CYP11A1: variants seen among roughly 807,000 people sequenced by gnomAD.
CYP11A1 encodes cholesterol side-chain cleavage enzyme, mitochondrial.
Under a neutral mutation model 51.9 loss-of-function variants are expected in CYP11A1, and 25 were observed. The observed-to-expected ratio is 0.48, with a 90% confidence interval of 0.35 to 0.67. CYP11A1 has a LOEUF of 0.67. Ranked by LOEUF, CYP11A1 falls within the 30% of genes least tolerant of loss-of-function variation. The pLI is 0.00. For missense variants in CYP11A1, 578 were observed against 680.9 expected (o/e 0.85, Z 1.68); for synonymous variants, 245 against 262.1 (o/e 0.93, Z 0.63).
intron 1 of CYP11A1, chr15:74,362,172 C>CT (rs1354732577): frequency 3.2e-6 from 2 of 618,786 alleles, no homozygotes; most frequent in Non-Finnish European, 5.7e-6. Flanking sequence ...CCTTCCATGC[C>CT]TAGCTGGACT....
intron 1 of CYP11A1, chr15:74,361,581 C>T (rs984384786): frequency 4.3e-5 from 40 of 937,722 alleles, no homozygotes; most frequent in East Asian, 2.1e-4. Context: ...TCTTTGACAT[C>T]GCAGTCACGG....
intron 1 of CYP11A1, among the ~76,000 whole-genome samples, chr15:74,351,985 T>C (rs1424415070): frequency 6.6e-6 from 1 of 152,234 alleles, no homozygotes; most frequent in Non-Finnish European, 1.5e-5. Flanking sequence ...TGGCTAAGGT[T>C]CCAAGCTATT....
chr15:74,367,440 T>A lies in CYP11A1; in HGVS notation c.146A>T (p.Asn49Ile), dbSNP rs550589207. The part of the protein sequence containing the change: ...GISTRSPRPF[N>I]EIPSPGDNGW... ...ATTGTCACCAGGAGAGGGGATCTCA[T>A]TGAAGGGGCGAGGACTGCGGGTGGA... The change falls in exon 1 of 9, where the codon AAT becomes ATT. Residue 49 changes from asparagine (N) to isoleucine (I), a missense_variant. Asn to Ile is a moderately radical substitution (Grantham distance 149). Coordinates refer to ENST00000268053, the MANE Select transcript of CYP11A1 (RefSeq NM_000781.3). 9.9e-6 allele frequency: 16 copies of A among 1,614,212 alleles called. No homozygotes were observed. The African/African-American group carries it at 2.1e-4, about 22-fold the overall frequency.
At position 74,339,321 on chromosome 15, in the gene CYP11A1, G is replaced by A; in HGVS notation, c.1158-6C>T. 6.2e-7 allele frequency: 1 copy of A among 1,613,832 alleles called. No homozygotes were observed. Among genetic ancestry groups the A allele is most frequent in the Non-Finnish European group, 8.5e-7 (1 of 1,179,670 alleles). On this transcript the variant is annotated splice_region_variant and splice_polypyrimidine_tract_variant and intron_variant, in intron 6 of 8. Coordinates refer to ENST00000268053, the MANE Select transcript of CYP11A1 (RefSeq NM_000781.3). ...TCACGGAGATGGGGTGAAGTCTGCG[G>A]GAGGAGGGCACTCAGAAGCTGATGG...
At chr15:74,341,739 A>G (rs1216095500) in intron 5 of CYP11A1, among the ~76,000 whole-genome samples, 1 of 152,160 alleles carries the variant, frequency 6.6e-6, no homozygotes, top group Non-Finnish European at 1.5e-5. Context: ...AAATGTGACT[A>G]TATTTGGAGA....
chr15:74,346,133 A>G (rs1186987049), intron 2 of CYP11A1, among the ~76,000 whole-genome samples: 4 of 152,128 alleles, frequency 2.6e-5, no homozygotes, highest in Non-Finnish European at 4.4e-5. Context: ...CAGGTGGATC[A>G]CCTGAGGTCA....
chr15:74,340,325 A>G (rs1280375804), intron 5 of CYP11A1, among the ~76,000 whole-genome samples: 2 of 152,144 alleles, frequency 1.3e-5, no homozygotes, highest in Non-Finnish European at 2.9e-5. Flanking sequence ...GCTAATCTCA[A>G]CGTAAGCCAG....
At chr15:74,362,891 T>TA (rs1481376714) in intron 1 of CYP11A1, 2 of 152,204 alleles carry the variant, frequency 1.3e-5, no homozygotes, top group Non-Finnish European at 2.9e-5. Context: ...ACTTTAATGG[T>TA]AGATGTGTTA....
intron 5 of CYP11A1, among the ~76,000 whole-genome samples, chr15:74,340,058 A>G (rs967618243): frequency 6.6e-6 from 1 of 152,234 alleles, no homozygotes; most frequent in Non-Finnish European, 1.5e-5. Flanking sequence ...CTACACAGCC[A>G]ATGCCTTCTT....
At position 74,345,407 on chromosome 15, in the gene CYP11A1, C is replaced by G. The variant is rs558267558; in HGVS notation, c.426-164G>C. 1.4e-6 allele frequency: 1 copy of G among 692,310 alleles called. No individual in the cohort carries two copies. Among genetic ancestry groups the G allele is most frequent in the Non-Finnish European group, 2.6e-6 (1 of 388,722 alleles). The allele number at this position is 692,310 out of a possible 1,614,324, so 42.9% of individuals were successfully genotyped here. Reference sequence around the variant, plus strand: ...ACCTCTCCGAGCACCCTCTGCCTCTCACCTCCTCCCTGCTCTGCCTGGCTG... The same window carrying G: ...ACCTCTCCGAGCACCCTCTGCCTCTGACCTCCTCCCTGCTCTGCCTGGCTG... On this transcript the variant is annotated intron_variant, in intron 2 of 8. Coordinates refer to ENST00000268053, the MANE Select transcript of CYP11A1 (RefSeq NM_000781.3). The surrounding 1 kb of genome is among the most constrained non-coding windows in gnomAD (Gnocchi z 4.3).
At chr15:74,349,456 C>T (rs2060646054) in intron 1 of CYP11A1, among the ~76,000 whole-genome samples, 1 of 152,150 alleles carries the variant, frequency 6.6e-6, no homozygotes, top group South Asian at 2.1e-4. Flanking sequence ...CTGGGCCTAC[C>T]TTGATGAGTT....
In CYP11A1 at chr15:74,343,866, G is replaced by T. The variant is rs1229561748; in HGVS notation, c.752C>A (p.Pro251His). ...CCTGAACAGACGGAACAGGTCTGGG[G>T]GAAGGTTGAGCATGGGGACGCTGGT... ...FHTSVPMLNL[P>H]PDLFRLFRTK... is the part of the protein sequence containing the mutation. The change falls in exon 4 of 9, where the codon CCC (proline) becomes CAC (histidine). Residue 251 changes from proline (P) to histidine (H), a missense_variant. Pro to His is a moderately conservative substitution (Grantham distance 77, BLOSUM62 -2). Transcript: ENST00000268053. 2 of 1,613,956 alleles carry T rather than the reference G, an allele frequency of 1.2e-6. No homozygotes were observed. Among genetic ancestry groups the T allele is most frequent in the Admixed American group, 3.3e-5 (2 of 60,034 alleles).
chr15:74,354,233 AAAG>A (rs1294732262), intron 1 of CYP11A1, among the ~76,000 whole-genome samples: 2 of 152,208 alleles, frequency 1.3e-5, no homozygotes, highest in Non-Finnish European at 2.9e-5. Flanking sequence ...GAAGAATCAC[AAAG>A]AAGTGAAAAT....
chr15:74,345,287 A>G lies in CYP11A1; in HGVS notation c.426-44T>C, dbSNP rs774258847. On this transcript the variant is annotated intron_variant, in intron 2 of 8. Transcript: ENST00000268053. This position sits in a 1 kb window ranked among gnomAD's most constrained non-coding sequence, Gnocchi z 4.3. ...ACAAGCCCTCATGGTCACAGACCCC[A>G]GGCCTGGTGAACACAGAGGGGGCTG... 1 of 1,607,944 alleles carries G rather than the reference A, an allele frequency of 6.2e-7. No individual in the cohort carries two copies.
rs1025373929 is a variant in CYP11A1, at chr15:74,345,447, A to G, written c.426-204T>C. Among the ~76,000 whole-genome samples, 2 of 152,164 alleles carry G rather than the reference A, an allele frequency of 1.3e-5. No homozygotes were observed. Among genetic ancestry groups the G allele is most frequent in the African/African-American group, 4.8e-5 (2 of 41,432 alleles). On this transcript the variant is annotated intron_variant, in intron 2 of 8. Coordinates refer to ENST00000268053, the MANE Select transcript of CYP11A1 (RefSeq NM_000781.3). The surrounding 1 kb of genome is among the most constrained non-coding windows in gnomAD (Gnocchi z 4.3). ...CTGCCTGGCTGGGAGAAGAGAAAGG[A>G]AAAAAGAGAGTGAAGGGGAACAAAA... is the stretch of plus-strand genomic sequence containing the variant.
At position 74,343,151 on chromosome 15, in the gene CYP11A1, G is replaced by C. The variant is rs190239248; in HGVS notation, c.830-14C>G. 2.6e-3 allele frequency: 4,254 copies of C among 1,613,342 alleles called. 6 individuals are homozygous for C. Among genetic ancestry groups the C allele is most frequent in the Non-Finnish European group, 3.0e-3 (3,587 of 1,179,928 alleles). ...TGTATATGTCAGCTGTGGGGAAGGA[G>C]GAAAGAAAAAAGAGTGAGGTTCCCT... On this transcript the variant is annotated splice_polypyrimidine_tract_variant and intron_variant, in intron 4 of 8. Coordinates refer to ENST00000268053, the MANE Select transcript of CYP11A1 (RefSeq NM_000781.3).
chr15:74,353,901 G>C (rs531319095), intron 1 of CYP11A1, among the ~76,000 whole-genome samples: 1 of 152,122 alleles, frequency 6.6e-6, no homozygotes, highest in South Asian at 2.1e-4. Context: ...ACCTTTGTTG[G>C]GCCTGCAGGA....
Position 74,338,610 on chromosome 15 carries a change from C to T in CYP11A1, c.1395G>A (p.Arg465=), listed in dbSNP as rs372523428. 162 of 1,614,048 alleles carry T rather than the reference C, an allele frequency of 1.0e-4. No individual in the cohort carries two copies. The highest frequency in any genetic ancestry group is 1.3e-4 in the Non-Finnish European group (156 of 1,180,026). The change falls in exon 8 of 9, where the codon CGG becomes CGA. Residue 465 remains arginine, a synonymous_variant. Transcript: ENST00000268053. ...FGWGVRQCLG[R]RIAELEMTIF... is the part of the protein sequence containing the mutation. ...TGGTCATCTCTAGCTCAGCGATCCG[C>T]CGTCCCAGACACTGCCGCACACCCC...
chr15:74,361,630 A>G, intron 1 of CYP11A1: 3 of 1,194,142 alleles, frequency 2.5e-6, no homozygotes, highest in Non-Finnish European at 3.7e-6. Flanking sequence ...CTGTTTGCAG[A>G]CAAGATTCCA....
Sources: gnomAD v4.1 joint callset for allele counts (sites outside exome capture counted in the v4.1 genomes callset) on GRCh38, gnomAD v4.1.1 for gene constraint, Gnocchi (gnomAD v3.1) non-coding constraint, MANE v1.5 for transcripts, NCBI Gene and HGNC (gene_info 2026-07-23, HGNC 2026-07-21) for gene names.